Variants in EDIL3 observed in about 807,000 individuals in gnomAD.
EDIL3 encodes EGF-like repeat and discoidin I-like domain-containing protein 3.
A neutral mutation model predicts 67.4 loss-of-function variants in EDIL3; 37 were observed. The ratio of observed to expected loss-of-function variants is 0.55; its 90% CI spans 0.42 to 0.72. The LOEUF is 0.72. Ranked by LOEUF, EDIL3 falls within the 30% of genes least tolerant of loss-of-function variation. The pLI, the probability that EDIL3 is intolerant of heterozygous loss-of-function variation, is 0.00. For synonymous variants in EDIL3, 195 were observed against 196.3 expected (o/e 0.99, Z 0.05); for missense variants, 527 against 586.3 (o/e 0.90, Z 1.04).
intron 6 of EDIL3, 104 bp from the exon 7 acceptor site, chr5:84,066,710 A>G: frequency 3.6e-6 from 5 of 1,377,648 alleles, no homozygotes; most frequent in Non-Finnish European, 4.9e-6. Context: ...GATTAATAAT[A>G]ACATAAAAAG....
At chr5:84,163,480 GTTTA>G (rs1748648790) in intron 4 of EDIL3, among the ~76,000 whole-genome samples, 3 of 152,032 alleles carry the variant, frequency 2.0e-5, no homozygotes, top group Admixed American at 1.3e-4. Flanking sequence ...GTAATTTCAT[GTTTA>G]TTTACTTTTT....
At chr5:84,060,228 C>T (rs1746516733) in intron 9 of EDIL3, 72 bp downstream of exon 9, 1 of 1,548,652 alleles carries the variant, frequency 6.5e-7, no homozygotes, top group South Asian at 1.2e-5. Context: ...GACTCTGACA[C>T]TCACCTAATC....
At chr5:83,951,849 T>C (rs916118018) in intron 10 of EDIL3, among the ~76,000 whole-genome samples, 1 of 151,802 alleles carries the variant, frequency 6.6e-6, no homozygotes, top group Non-Finnish European at 1.5e-5. Flanking sequence ...CAACTGCTCC[T>C]AAAAAGATAT....
intron 4 of EDIL3, among the ~76,000 whole-genome samples, chr5:84,161,117 A>G (rs572764562): frequency 6.6e-6 from 1 of 152,102 alleles, no homozygotes; most frequent in Non-Finnish European, 1.5e-5. Flanking sequence ...CTGAGTTTCT[A>G]CACTTAGAAT....
chr5:84,282,662 A>G (rs1305544617), intron 1 of EDIL3, among the ~76,000 whole-genome samples: 1 of 152,172 alleles, frequency 6.6e-6, no homozygotes, highest in African/African-American at 2.4e-5. Context: ...TTACTAAACT[A>G]TTCTCAAATT....
At chr5:84,137,216 C>CACACAT in intron 5 of EDIL3, 25 bp downstream of exon 5, 1 of 1,508,946 alleles carries the variant, frequency 6.6e-7, no homozygotes, top group Non-Finnish European at 9.2e-7. Context: ...CACACACACA[C>CACACAT]ACATACACAC....
chr5:84,052,276 A>G (rs926719445), intron 9 of EDIL3, among the ~76,000 whole-genome samples: 17 of 152,238 alleles, frequency 1.1e-4, no homozygotes, highest in African/African-American at 3.9e-4. Flanking sequence ...TTTTGTCACC[A>G]TCAGGCCTGC....
At chr5:84,021,950 A>G (rs564740586) in intron 9 of EDIL3, among the ~76,000 whole-genome samples, 2 of 151,998 alleles carry the variant, frequency 1.3e-5, no homozygotes, top group Non-Finnish European at 2.9e-5. Flanking sequence ...AGATGAAATC[A>G]TTGCCTAATT....
intron 9 of EDIL3, among the ~76,000 whole-genome samples, chr5:84,020,680 A>G (rs899436103): frequency 7.2e-5 from 11 of 152,018 alleles, no homozygotes; most frequent in African/African-American, 2.7e-4. Flanking sequence ...ATCTATCTAC[A>G]TAGCAAGCTG....
chr5:84,152,706 C>T (rs1748419377), intron 4 of EDIL3, among the ~76,000 whole-genome samples: 1 of 152,072 alleles, frequency 6.6e-6, no homozygotes, highest in Non-Finnish European at 1.5e-5. Context: ...CTCCTTCTGC[C>T]ATGTTTCAGA....
At chr5:84,216,465 T>G (rs1744227763) in intron 3 of EDIL3, among the ~76,000 whole-genome samples, 1 of 152,140 alleles carries the variant, frequency 6.6e-6, no homozygotes, top group South Asian at 2.1e-4. Flanking sequence ...TTAAAACTGT[T>G]TATAAGTGAA....
At position 84,280,690 on chromosome 5, in the gene EDIL3, C is replaced by T. The variant is rs79438955; in HGVS notation, c.68-26478G>A. Among the ~76,000 whole-genome samples the T allele has an allele frequency of 6.1e-3, 931 of 152,048 alleles. 10 individuals are homozygous for T. Among genetic ancestry groups the T allele is most frequent in the African/African-American group, 0.021 (891 of 41,484 alleles). ...AACCTAGGCCAGGGGTGGTGGTTCA[C>T]GCTTGAAATCTCAACACTTTGGAAA... On this transcript the variant is annotated intron_variant, in intron 1 of 10. Coordinates refer to ENST00000296591, the MANE Select transcript of EDIL3 (RefSeq NM_005711.5).
chr5:83,996,615 T>G lies in EDIL3; in HGVS notation c.1138-33255A>C, dbSNP rs911593510. 4.6e-5 allele frequency among the ~76,000 whole-genome samples: 7 copies of G among 152,202 alleles called. No individual in the cohort carries two copies. The East Asian group carries it at 5.8e-4, about 13-fold the overall frequency. On this transcript the variant is annotated intron_variant, in intron 9 of 10. Transcript: ENST00000296591. ...AGGTTCTGGGTACCATTTTGTGTGA[T>G]GATATCATCAGTCCATTAGTCAGAG...
chr5:84,060,207 G>A (rs574831078), intron 9 of EDIL3, 93 bp downstream of exon 9: 20 of 1,414,468 alleles, frequency 1.4e-5, no homozygotes, highest in South Asian at 6.8e-5. Context: ...TTAAATTAGC[G>A]TGAAGGTAAC....
At chr5:84,036,103 A>G (rs1338182212) in intron 9 of EDIL3, among the ~76,000 whole-genome samples, 2 of 152,310 alleles carry the variant, frequency 1.3e-5, no homozygotes, top group East Asian at 3.9e-4. Flanking sequence ...TGAAATCAGA[A>G]CCAATGACCA....
At chr5:84,211,343 T>C in intron 3 of EDIL3, among the ~76,000 whole-genome samples, 1 of 152,212 alleles carries the variant, frequency 6.6e-6, no homozygotes, top group Admixed American at 6.5e-5. Flanking sequence ...TCTCTGCCTG[T>C]CACCATAACT....
chr5:84,155,357 C>A (rs1748472052), intron 4 of EDIL3, among the ~76,000 whole-genome samples: 1 of 152,122 alleles, frequency 6.6e-6, no homozygotes, highest in African/African-American at 2.4e-5. Flanking sequence ...ATAATTTTTG[C>A]TACTTTTGAG....
chr5:84,079,194 T>G (rs1271645665), intron 6 of EDIL3, among the ~76,000 whole-genome samples: 2 of 152,142 alleles, frequency 1.3e-5, no homozygotes, highest in African/African-American at 2.4e-5. Flanking sequence ...TATCTCACCC[T>G]ATGCTTCTCA....
At chr5:84,171,296 C>T (rs2112348860) in intron 4 of EDIL3, among the ~76,000 whole-genome samples, 1 of 152,254 alleles carries the variant, frequency 6.6e-6, no homozygotes, top group South Asian at 2.1e-4. Context: ...GGACTTTATA[C>T]ATATCTGAGT....
Sources: gnomAD v4.1 joint callset for allele counts (sites outside exome capture counted in the v4.1 genomes callset) on GRCh38, gnomAD v4.1.1 for gene constraint, MANE v1.5 for transcripts, NCBI Gene and HGNC (gene_info 2026-07-23, HGNC 2026-07-21) for gene names.